The following STK3 variants were observed in gnomAD, a reference collection of about 807,000 sequenced individuals.
The protein encoded by STK3 is serine/threonine kinase 3.
STK3 carries 41 observed loss-of-function variants against 58.0 expected under a neutral mutation model. The ratio of observed to expected loss-of-function variants is 0.71; its 90% CI spans 0.55 to 0.92. STK3 has a LOEUF of 0.92. STK3 is among the 40% of genes least tolerant of loss of function. The pLI, the probability that STK3 is intolerant of heterozygous loss-of-function variation, is 0.00. For synonymous variants in STK3, 170 were observed against 191.0 expected, an observed-to-expected ratio of 0.89 and a Z score of 0.91; for missense variants, 479 against 602.7, an observed-to-expected ratio of 0.79 and a Z score of 2.15.
chr8:98,570,287 C>A (rs1228870208), intron 8 of STK3, among the ~76,000 whole-genome samples: 1 of 150,776 alleles, frequency 6.6e-6, no homozygotes, highest in Non-Finnish European at 1.5e-5. Context: ...CATCACCAAG[C>A]CTAGCTAATT....
intron 6 of STK3, among the ~76,000 whole-genome samples, chr8:98,649,332 G>A (rs993357801): frequency 5.9e-5 from 9 of 151,724 alleles, no homozygotes; most frequent in Non-Finnish European, 1.2e-4. Context: ...CCACATATAA[G>A]TTACAAAAAA....
intron 3 of STK3, among the ~76,000 whole-genome samples, chr8:98,847,805 A>G (rs1000883628): frequency 3.9e-5 from 6 of 152,154 alleles, no homozygotes; most frequent in African/African-American, 1.4e-4. Flanking sequence ...ATCTTCTGCA[A>G]TTCCCACCTG....
chr8:98,734,831 CA>C (rs575711531), intron 4 of STK3, among the ~76,000 whole-genome samples: 127 of 139,488 alleles, frequency 9.1e-4, no homozygotes, highest in Non-Finnish European at 1.1e-3. Context: ...CTTGACTCCT[CA>C]AAAAAAAAAA....
chr8:98,468,503 T>A (rs539782722), intron 10 of STK3, among the ~76,000 whole-genome samples: 53 of 152,304 alleles, frequency 3.5e-4, no homozygotes, highest in African/African-American at 1.2e-3. Context: ...TAATAATAAA[T>A]AAGCTGTCTT....
At chr8:98,684,786 T>C (rs1391073030) in intron 6 of STK3, among the ~76,000 whole-genome samples, 3 of 152,210 alleles carry the variant, frequency 2.0e-5, no homozygotes, top group Admixed American at 6.5e-5. Context: ...TCAGTAATTA[T>C]TGCTCTATAG....
At chr8:98,568,688 GAGA>G (rs1189545382) in intron 8 of STK3, among the ~76,000 whole-genome samples, 1 of 152,092 alleles carries the variant, frequency 6.6e-6, no homozygotes, top group African/African-American at 2.4e-5. Context: ...TAACGTAGAA[GAGA>G]AAGCTATCTT....
chr8:98,699,235 G>T (rs1226307805), intron 6 of STK3, among the ~76,000 whole-genome samples: 1 of 151,928 alleles, frequency 6.6e-6, no homozygotes, highest in African/African-American at 2.4e-5. Context: ...GCACTTCTCT[G>T]TATTGGTTAT....
intron 1 of STK3, among the ~76,000 whole-genome samples, chr8:98,930,324 C>G (rs1839961690): frequency 6.6e-6 from 1 of 152,102 alleles, no homozygotes; most frequent in Non-Finnish European, 1.5e-5. Context: ...GCCCCAGGCC[C>G]CCAAACTCCA....
chr8:98,922,632 A>T (rs1839609800), intron 1 of STK3, among the ~76,000 whole-genome samples: 1 of 152,230 alleles, frequency 6.6e-6, no homozygotes, highest in Non-Finnish European at 1.5e-5. Flanking sequence ...ATAAAAAGGG[A>T]TTCAGAAGTT....
chr8:98,914,873 A>G (rs1484223931), intron 1 of STK3, among the ~76,000 whole-genome samples: 1 of 152,220 alleles, frequency 6.6e-6, no homozygotes, highest in Admixed American at 6.5e-5. Context: ...ATCAAATTTT[A>G]TGTGTTGTAG....
chr8:98,533,474 A>G (rs1199409670), intron 9 of STK3, among the ~76,000 whole-genome samples: 1 of 151,882 alleles, frequency 6.6e-6, no homozygotes, highest in Non-Finnish European at 1.5e-5. Flanking sequence ...GTATGGATGG[A>G]TGGGTGGGTG....
intron 10 of STK3, among the ~76,000 whole-genome samples, chr8:98,458,783 C>A (rs559248820): frequency 6.6e-6 from 1 of 152,174 alleles, no homozygotes; most frequent in Non-Finnish European, 1.5e-5. Context: ...CCTCTCACCA[C>A]GTGAGAAGGT....
rs1427244966 is a variant in STK3 at position 98,772,150 on chromosome 8, TGGG to T, written c.107+2586_107+2588del. ...AATTTATAATATCCTCTTCAATCAA[TGGG>T]TTACTTCAGATTATGTTTCCTAATT... On this transcript the variant is annotated intron_variant, in intron 2 of 10. Transcript: ENST00000419617. Among the ~76,000 whole-genome samples, 4 of 152,238 alleles carry T rather than the reference TGGG, an allele frequency of 2.6e-5. No homozygotes were observed. In the East Asian group the frequency reaches 5.8e-4, roughly 22 times the overall value.
intron 1 of STK3, among the ~76,000 whole-genome samples, chr8:98,933,567 C>G (rs1311306282): frequency 1.3e-5 from 2 of 152,194 alleles, no homozygotes; most frequent in African/African-American, 2.4e-5. Flanking sequence ...GTAATAGGAA[C>G]TATCTATCCA....
chr8:98,346,738 C>A, the STK3 span, among the ~76,000 whole-genome samples: 1 of 151,606 alleles, frequency 6.6e-6, no homozygotes, highest in African/African-American at 2.4e-5. Flanking sequence ...GAAATAAAAA[C>A]TTCTTCAGAC....
chr8:98,417,907 TTTAA>T (rs1188052426), intron 3 of STK3, among the ~76,000 whole-genome samples: 7 of 152,144 alleles, frequency 4.6e-5, no homozygotes, highest in Non-Finnish European at 8.8e-5. Flanking sequence ...TTTAATTTAA[TTTAA>T]TTAATTAATT....
intron 10 of STK3, among the ~76,000 whole-genome samples, chr8:98,500,989 T>A (rs923020418): frequency 6.6e-6 from 1 of 152,200 alleles, no homozygotes; most frequent in Non-Finnish European, 1.5e-5. Context: ...CGCCACACTG[T>A]CTTCCACAAT....
At chr8:98,723,060 G>T in intron 4 of STK3, 1 of 321,512 alleles carries the variant, frequency 3.1e-6, no homozygotes, top group South Asian at 2.8e-5. Flanking sequence ...GATTTAATTA[G>T]GTTATCCTCA....
intron 1 of STK3, among the ~76,000 whole-genome samples, chr8:98,940,350 G>A (rs1483204252): frequency 2.0e-5 from 3 of 152,206 alleles, no homozygotes; most frequent in African/African-American, 2.4e-5. Flanking sequence ...GCCTCAGCTG[G>A]GAAATCCAAA....
Sources: allele counts gnomAD v4.1 joint callset (sites outside exome capture counted in the v4.1 genomes callset), GRCh38; gene constraint gnomAD v4.1.1; transcripts MANE v1.5; gene names NCBI Gene and HGNC (gene_info 2026-07-23, HGNC 2026-07-21).